The following ESR1 variants were observed in gnomAD, a reference collection of about 807,000 sequenced individuals.
The protein encoded by ESR1 is estrogen receptor 1, also known as estrogen receptor.
In ESR1, 12 loss-of-function variants were observed where a neutral mutation model predicts 52.7. The ratio of observed to expected loss-of-function variants is 0.23; its 90% CI spans 0.15 to 0.37. The LOEUF is 0.37. Among genes scored for constraint, ESR1 ranks in the 10% least tolerant of loss-of-function variants. ESR1 has a pLI of 1.00. For missense variants in ESR1, 584 were observed against 779.7 expected, an observed-to-expected ratio of 0.75 and a Z score of 2.99; for synonymous variants, 305 against 316.8, an observed-to-expected ratio of 0.96 and a Z score of 0.39.
intron 1 of ESR1, among the ~76,000 whole-genome samples, chr6:151,823,552 A>G (rs1451528797): frequency 6.6e-6 from 1 of 152,058 alleles, no homozygotes; most frequent in African/African-American, 2.4e-5. Context: ...TACATGTGCC[A>G]TGTTGGTGTG....
intron 4 of ESR1, among the ~76,000 whole-genome samples, chr6:151,959,979 A>G (rs1436315514): frequency 6.6e-6 from 1 of 152,222 alleles, no homozygotes; most frequent in East Asian, 1.9e-4. Flanking sequence ...AGCCAATAGA[A>G]TGTAAGTTCT....
chr6:151,694,702 G>T (rs1201484753), intron 1 of ESR1, among the ~76,000 whole-genome samples: 4 of 151,742 alleles, frequency 2.6e-5, no homozygotes, highest in Non-Finnish European at 5.9e-5. Flanking sequence ...CTGGAGAATC[G>T]CTTGAACCCG....
intron 6 of ESR1, among the ~76,000 whole-genome samples, chr6:152,111,120 C>A (rs937682409): frequency 2.6e-5 from 4 of 152,088 alleles, no homozygotes; most frequent in Non-Finnish European, 4.4e-5. Flanking sequence ...GCAGGCTCAC[C>A]CTCCCCCCGT....
At chr6:151,885,487 C>T (rs571267647) in intron 3 of ESR1, among the ~76,000 whole-genome samples, 1 of 152,350 alleles carries the variant, frequency 6.6e-6, no homozygotes, top group East Asian at 1.9e-4. Flanking sequence ...TGTTCAAATG[C>T]TGGCTCCTCC....
chr6:152,126,514 A>G (rs2053511118), exon 7 of ESR1: 1 of 152,194 alleles, frequency 6.6e-6, no homozygotes, highest in Admixed American at 6.5e-5. Flanking sequence ...TTGTGTTTAT[A>G]TAGGAAAAAT....
At chr6:151,750,646 A>G (rs1783831094) in intron 2 of ESR1, among the ~76,000 whole-genome samples, 1 of 152,212 alleles carries the variant, frequency 6.6e-6, no homozygotes, top group South Asian at 2.1e-4. Context: ...TTCTTGAAGT[A>G]GAAGTCTCTT....
chr6:151,993,517 G>T (rs769077752), intron 4 of ESR1, among the ~76,000 whole-genome samples: 1 of 152,170 alleles, frequency 6.6e-6, no homozygotes, highest in African/African-American at 2.4e-5. Context: ...AAGGACCAGA[G>T]GAGCACGAGG....
chr6:151,874,692 G>A (rs1488939481), intron 2 of ESR1, among the ~76,000 whole-genome samples: 2 of 152,294 alleles, frequency 1.3e-5, no homozygotes, highest in East Asian at 3.9e-4. Context: ...TAGTTTATAT[G>A]TAAGAAACCC....
At chr6:151,829,155 T>C (rs1781980980) in intron 1 of ESR1, among the ~76,000 whole-genome samples, 1 of 152,254 alleles carries the variant, frequency 6.6e-6, no homozygotes, top group African/African-American at 2.4e-5. Flanking sequence ...TATTCCAGAA[T>C]CACTCATATG....
chr6:151,875,287 G>C (rs1791619038), intron 2 of ESR1, among the ~76,000 whole-genome samples: 1 of 152,140 alleles, frequency 6.6e-6, no homozygotes, highest in Admixed American at 6.5e-5. Flanking sequence ...TGAGTTTTGG[G>C]GTCCTGAGGT....
intron 1 of ESR1, among the ~76,000 whole-genome samples, chr6:151,829,742 T>C (rs73780872): frequency 0.024 from 3,580 of 152,268 alleles, 51 homozygotes; most frequent in African/African-American, 0.045. Context: ...GTAGCAAACA[T>C]AGTTGTAATT....
intron 5 of ESR1, among the ~76,000 whole-genome samples, chr6:152,024,750 A>G (rs1269672406): frequency 6.8e-6 from 1 of 147,568 alleles, no homozygotes; most frequent in Non-Finnish European, 1.5e-5. Context: ...TTGTATTTAT[A>G]TATGTATTTA....
chr6:151,945,575 T>C (rs2035605254), intron 4 of ESR1, among the ~76,000 whole-genome samples: 1 of 152,204 alleles, frequency 6.6e-6, no homozygotes, highest in Non-Finnish European at 1.5e-5. Context: ...CAGGAGCTAA[T>C]GTAGATAAAC....
intron 6 of ESR1, among the ~76,000 whole-genome samples, chr6:152,114,816 G>C (rs1232006888): frequency 6.8e-6 from 1 of 146,818 alleles, no homozygotes. Context: ...GCGTGAACCC[G>C]GGAGGCGGAG....
intron 2 of ESR1, among the ~76,000 whole-genome samples, chr6:151,845,068 T>C (rs1468523619): frequency 6.6e-6 from 1 of 152,082 alleles, no homozygotes; most frequent in African/African-American, 2.4e-5. Context: ...TTCTCACAAA[T>C]TTTTTACATC....
intron 1 of ESR1, 95 bp downstream of exon 1, chr6:151,808,459 G>A (rs984197846): frequency 3.5e-6 from 4 of 1,156,248 alleles, no homozygotes; most frequent in South Asian, 4.2e-5. Flanking sequence ...GGAGCTGCGG[G>A]AGCCGCGGGA....
intron 2 of ESR1, among the ~76,000 whole-genome samples, chr6:151,779,544 G>A (rs913403046): frequency 4.3e-4 from 65 of 152,184 alleles, no homozygotes; most frequent in African/African-American, 1.5e-3. Flanking sequence ...TGGTGAAGTT[G>A]CAGAGAAATA....
intron 3 of ESR1, among the ~76,000 whole-genome samples, chr6:151,899,075 G>T (rs1426802446): frequency 1.4e-5 from 2 of 144,094 alleles, no homozygotes; most frequent in African/African-American, 5.4e-5. Context: ...CCGGGTGGGG[G>T]GCTGACCCCC....
intron 2 of ESR1, among the ~76,000 whole-genome samples, chr6:151,778,576 T>C (rs1415674187): frequency 1.3e-5 from 2 of 151,850 alleles, no homozygotes; most frequent in African/African-American, 4.8e-5. Flanking sequence ...TGGCTAATTT[T>C]TGTATTTTGA....
Sources: gnomAD v4.1 joint callset for allele counts (sites outside exome capture counted in the v4.1 genomes callset) on GRCh38, gnomAD v4.1.1 for gene constraint, MANE v1.5 for transcripts, NCBI Gene and HGNC (gene_info 2026-07-23, HGNC 2026-07-21) for gene names.